Variants in AMBN observed in about 807,000 individuals in gnomAD.
AMBN encodes the protein enamel matrix protein.
Under a neutral mutation model 48.0 loss-of-function variants are expected in AMBN, and 54 were observed. The observed-to-expected ratio is 1.12, with a 90% CI of 0.90 to 1.41. The LOEUF (loss-of-function observed/expected upper bound fraction) is 1.41, where lower values mean the gene tolerates loss of function less well. Ranked by LOEUF, AMBN falls within the 40% of genes most tolerant of loss-of-function variation. The pLI, the probability that AMBN is intolerant of heterozygous loss-of-function variation, is 0.00. For synonymous variants in AMBN, 186 were observed against 190.0 expected, an observed-to-expected ratio of 0.98 and a Z score of 0.17; for missense variants, 571 against 547.3, an observed-to-expected ratio of 1.04 and a Z score of -0.43.
chr4:70,596,848 T>G, intron 2 of AMBN, 151 bp from the exon 3 acceptor site: 3 of 542,878 alleles, frequency 5.5e-6, no homozygotes, highest in Non-Finnish European at 9.8e-6. Context: ...CTCTTCTTCA[T>G]TCTGCCCAAG....
intron 4 of AMBN, among the ~76,000 whole-genome samples, chr4:70,599,181 G>A (rs774386756): frequency 4.6e-5 from 7 of 151,982 alleles, no homozygotes; most frequent in African/African-American, 7.3e-5. Context: ...AGTGGCTCAC[G>A]CCTGTAATTC....
intron 2 of AMBN, among the ~76,000 whole-genome samples, chr4:70,595,676 C>G (rs1363424193): frequency 6.6e-6 from 1 of 152,062 alleles, no homozygotes; most frequent in East Asian, 1.9e-4. Flanking sequence ...TGTGGTATAA[C>G]TGAAGGAAAG....
Position 70,603,857 on chromosome 4 carries a change from C to T in AMBN, c.754-20C>T, listed in dbSNP as rs755921012. The T allele has an allele frequency of 8.1e-6, 13 of 1,613,734 alleles. No individual in the cohort carries two copies. The highest frequency in any genetic ancestry group is 1.0e-5 in the Non-Finnish European group (12 of 1,179,796). The stretch of plus-strand genomic sequence containing the variant: ...AAGGTAGCTGGTTCGTAATTTGACG[C>T]AATATTTCTTTTTGAACAGAATGCC... On this transcript the variant is annotated intron_variant, in intron 11 of 12. Transcript: ENST00000322937.
In AMBN at chr4:70,606,216, C is replaced by A. The variant is rs749418617; in HGVS notation, c.830C>A (p.Ala277Asp). ...AGAGAAGACCCAATGGCCTATGGAGCCATGTTTCCAGGATTTGGAGGCATG... is the reference window on the plus strand; with the variant it reads ...AGAGAAGACCCAATGGCCTATGGAGACATGTTTCCAGGATTTGGAGGCATG... ...GGREDPMAYG[A>D]MFPGFGGMRP... Residue 277 changes from alanine (A) to aspartate (D), a missense_variant, in exon 13 of 13, where the codon GCC (alanine) becomes GAC (aspartate). Physicochemically the swap from Ala to Asp is moderately radical, Grantham distance 126 (BLOSUM62 -2). Coordinates refer to ENST00000322937, the MANE Select transcript of AMBN (RefSeq NM_016519.6). 1 of 1,614,052 alleles carries A rather than the reference C, an allele frequency of 6.2e-7. No homozygotes were observed. The highest frequency in any genetic ancestry group is 8.5e-7 in the Non-Finnish European group (1 of 1,179,980).
rs1352270037 is a variant in AMBN, at chr4:70,603,328, T to G, written c.708+9T>G. 20 of 1,613,586 alleles carry G rather than the reference T, an allele frequency of 1.2e-5. No individual in the cohort carries two copies. Among genetic ancestry groups the G allele is most frequent in the Non-Finnish European group, 1.4e-5 (17 of 1,179,814 alleles). On this transcript the variant is annotated intron_variant, in intron 10 of 12. Coordinates refer to ENST00000322937, the MANE Select transcript of AMBN (RefSeq NM_016519.6). Reference sequence around the variant, plus strand: ...AAAATAAACAATCTCCAGTAAGTTTTTTTTAATACCACATCTCTGTTTGCA... The same window carrying G: ...AAAATAAACAATCTCCAGTAAGTTTGTTTTAATACCACATCTCTGTTTGCA...
chr4:70,603,158 T>A, intron 9 of AMBN, 102 bp from the exon 10 acceptor site: 1 of 1,346,586 alleles, frequency 7.4e-7, no homozygotes. Context: ...ATACTTATTT[T>A]CTATACTAAT....
chr4:70,605,121 G>T (rs1008675691), intron 12 of AMBN, among the ~76,000 whole-genome samples: 5 of 152,068 alleles, frequency 3.3e-5, no homozygotes, highest in African/African-American at 1.2e-4. Context: ...TAGAGAGAAA[G>T]AGTCAGAGAG....
In AMBN at chr4:70,599,557, A is replaced by C; in HGVS notation, c.205A>C (p.Lys69Gln). ...TTAGTATTCTAGATACGGCTTTGGA[A>C]AATCATTTAATTCTTTGTGGATGCA... ...LSQYSRYGFG[K>Q]SFNSLWMHGL... Residue 69 changes from lysine (K) to glutamine (Q), a missense_variant, in exon 5 of 13, where the codon AAA becomes CAA. Lys to Gln is a moderately conservative substitution (Grantham distance 53, BLOSUM62 1). Coordinates refer to ENST00000322937, the MANE Select transcript of AMBN (RefSeq NM_016519.6). 1 of 1,612,800 alleles carries C rather than the reference A, an allele frequency of 6.2e-7. No homozygotes were observed.
intron 1 of AMBN, 103 bp downstream of exon 1, chr4:70,592,476 A>G: frequency 7.7e-7 from 1 of 1,293,376 alleles, no homozygotes; most frequent in Non-Finnish European, 1.1e-6. Context: ...TGTCACCAGT[A>G]GCTGAATTAT....
chr4:70,593,507 C>T, intron 2 of AMBN, 112 bp downstream of exon 2: 1 of 926,486 alleles, frequency 1.1e-6, no homozygotes, highest in Non-Finnish European at 1.7e-6. Context: ...TGATTTAATC[C>T]AGTGGTTTAG....
chr4:70,601,279 A>G (rs942329758), intron 5 of AMBN, 139 bp from the exon 6 acceptor site: 3 of 840,438 alleles, frequency 3.6e-6, no homozygotes, highest in South Asian at 3.3e-5. Context: ...GGTGCTTGCT[A>G]TGTAAACTCA....
intron 6 of AMBN, 78 bp from the exon 7 acceptor site, chr4:70,602,546 A>AT (rs1033855203): frequency 1.2e-5 from 13 of 1,086,782 alleles, no homozygotes; most frequent in Non-Finnish European, 1.6e-5. Context: ...CACTTTGTCT[A>AT]TTTTTTTATT....
Position 70,606,297 on chromosome 4 carries a change from T to C in AMBN, c.911T>C (p.Leu304Pro), listed in dbSNP as rs1318619775. 3 of 1,613,976 alleles carry C rather than the reference T, an allele frequency of 1.9e-6. No individual in the cohort carries two copies. Among genetic ancestry groups the C allele is most frequent in the Non-Finnish European group, 2.5e-6 (3 of 1,180,006 alleles). The change falls in exon 13 of 13, where the codon CTG becomes CCG. Residue 304 changes from leucine (L) to proline (P), a missense_variant. By Grantham distance (98) the Leu-to-Pro change is moderately conservative. Transcript: ENST00000322937. ...CCAGCTATGGGCGGTGACTTCACTC[T>C]GGAATTTGACTCCCCAGTGGCTGCC... ...HNPAMGGDFT[L>P]EFDSPVAATK...
chr4:70,602,625 T>C lies in AMBN; in HGVS notation c.533T>C (p.Leu178Pro). 6.4e-7 allele frequency: 1 copy of C among 1,567,782 alleles called. No homozygotes were observed. Among genetic ancestry groups the C allele is most frequent in the South Asian group, 1.2e-5 (1 of 80,218 alleles). ...TTTTAATATTTATCTGTGATATAGC[T>C]CCCAGGAGTAGATTTTGCTGATCCA... is the stretch of plus-strand genomic sequence containing the variant. ...APSDKPPKPELPGVDFADPQG... is the reference protein window; with the variant it reads ...APSDKPPKPEPPGVDFADPQG... Residue 178 changes from leucine (L) to proline (P), a missense_variant and splice_region_variant, in exon 7 of 13, where the codon CTC becomes CCC. Transcript: ENST00000322937.
intron 5 of AMBN, among the ~76,000 whole-genome samples, chr4:70,600,661 A>T (rs1475293554): frequency 2.6e-5 from 4 of 152,176 alleles, no homozygotes; most frequent in Admixed American, 6.5e-5. Context: ...TCTACAAACA[A>T]TAGGGAGCCA....
intron 4 of AMBN, 135 bp downstream of exon 4, chr4:70,598,538 C>G: frequency 1.8e-6 from 1 of 562,104 alleles, no homozygotes; most frequent in Non-Finnish European, 2.8e-6. Context: ...AAATGAGAGC[C>G]TAAAACAAAA....
rs1256122458 is a variant in AMBN, at chr4:70,606,443, C to A, written c.1057C>A (p.Leu353Ile). 1.2e-6 allele frequency: 2 copies of A among 1,613,984 alleles called. No homozygotes were observed. Among genetic ancestry groups the A allele is most frequent in the East Asian group, 2.2e-5 (1 of 44,804 alleles). The change falls in exon 13 of 13, where the codon CTC becomes ATC. Residue 353 changes from leucine (L) to isoleucine (I), a missense_variant. Leu to Ile is a conservative substitution (Grantham distance 5). Coordinates refer to ENST00000322937, the MANE Select transcript of AMBN (RefSeq NM_016519.6). ...TELEPAPHAGLLALPKDDIPG... is the reference protein window; with the variant it reads ...TELEPAPHAGILALPKDDIPG... ...GCTAGAACCTGCTCCCCACGCAGGG[C>A]TCCTTGCTCTCCCTAAGGATGACAT...
chr4:70,606,330 G>A lies in AMBN; in HGVS notation c.944G>A (p.Gly315Asp), dbSNP rs1465997786. ...GACTCCCCAGTGGCTGCCACCAAAG[G>A]CCCTGAGAACGAAGAAGGAGGTGCA... is the stretch of plus-strand genomic sequence containing the variant. ...EFDSPVAATK[G>D]PENEEGGAQG... Residue 315 changes from glycine to aspartate, a missense_variant, in exon 13 of 13, where the codon GGC (glycine) becomes GAC (aspartate). Coordinates refer to ENST00000322937, the MANE Select transcript of AMBN (RefSeq NM_016519.6). 1.9e-6 allele frequency: 3 copies of A among 1,614,046 alleles called. No individual in the cohort carries two copies. Among genetic ancestry groups the A allele is most frequent in the Non-Finnish European group, 2.5e-6 (3 of 1,179,980 alleles).
At chr4:70,594,476 C>G (rs972687404) in intron 2 of AMBN, among the ~76,000 whole-genome samples, 1 of 152,166 alleles carries the variant, frequency 6.6e-6, no homozygotes, top group Non-Finnish European at 1.5e-5. Context: ...TCTCTTGTCT[C>G]CAGTAGCTCA....
Sources: allele counts gnomAD v4.1 joint callset (sites outside exome capture counted in the v4.1 genomes callset), GRCh38; gene constraint gnomAD v4.1.1; transcripts MANE v1.5; gene names NCBI Gene and HGNC (gene_info 2026-07-23, HGNC 2026-07-21).